PBX1: variants seen among roughly 807,000 people sequenced by gnomAD.
PBX1 encodes pre-B-cell leukemia transcription factor 1.
Under a neutral mutation model 53.4 loss-of-function variants are expected in PBX1, and 6 were observed. The ratio of observed to expected loss-of-function variants is 0.11; its 90% CI spans 0.06 to 0.22. The LOEUF (loss-of-function observed/expected upper bound fraction) is 0.22, where lower values mean the gene tolerates loss of function less well. PBX1 is among the 10% of genes least tolerant of loss of function. PBX1 has a pLI of 1.00. For missense variants in PBX1, 251 were observed against 551.4 expected, an observed-to-expected ratio of 0.46 and a Z score of 5.46; for synonymous variants, 204 against 212.3, an observed-to-expected ratio of 0.96 and a Z score of 0.34.
intron 3 of PBX1, among the ~76,000 whole-genome samples, chr1:164,793,872 C>T (rs796331696): frequency 9.7e-3 from 756 of 77,640 alleles, no homozygotes; most frequent in Middle Eastern, 0.044. Context: ...TTTTTCCTTT[C>T]TTTTTTTTTT....
At chr1:164,776,286 T>C (rs1232436574) in intron 2 of PBX1, among the ~76,000 whole-genome samples, 2 of 152,096 alleles carry the variant, frequency 1.3e-5, no homozygotes, top group Admixed American at 1.3e-4. Context: ...AGAATCCGCA[T>C]CCCCAGAAAC....
In PBX1 at chr1:164,849,146, A is replaced by G. The variant is rs1671707045; in HGVS notation, c.*2470A>G. 2 of 1,389,472 alleles carry G rather than the reference A, an allele frequency of 1.4e-6. No individual in the cohort carries two copies. Among genetic ancestry groups the G allele is most frequent in the Admixed American group, 3.0e-5 (1 of 33,094 alleles). The allele number at this position is 1,389,472 out of a possible 1,614,324, so 86.1% of individuals were successfully genotyped here. The stretch of plus-strand genomic sequence containing the variant: ...TAGGGCAAAGTACGAAAGAGAGACA[A>G]AAGGGTTCTCTTGGAAACAAGAAGA... On this transcript the variant is annotated 3_prime_UTR_variant, in exon 9 of 9. Transcript: ENST00000420696.
intron 2 of PBX1, among the ~76,000 whole-genome samples, chr1:164,567,964 TGTACA>T (rs1228238474): frequency 6.6e-6 from 1 of 152,164 alleles, no homozygotes; most frequent in East Asian, 1.9e-4. Flanking sequence ...GGGTGGGTTC[TGTACA>T]GTAGGCTGCA....
intron 2 of PBX1, among the ~76,000 whole-genome samples, chr1:164,773,245 A>G (rs551551725): frequency 9.4e-4 from 136 of 144,022 alleles, no homozygotes; most frequent in Admixed American, 1.6e-3. Flanking sequence ...TAACACGCGC[A>G]CACACACACA....
At position 164,594,768 on chromosome 1, in the gene PBX1, C is replaced by T. The variant is rs1001697599; in HGVS notation, c.265+31457C>T. ...TATAATCTCTTTTGTCCTAAGTCTT[C>T]ACTATTTTGCATGTATTTTACCAAT... is the stretch of plus-strand genomic sequence containing the variant. On this transcript the variant is annotated intron_variant, in intron 2 of 8. Transcript: ENST00000420696. Among the ~76,000 whole-genome samples the T allele has an allele frequency of 3.9e-5, 6 of 152,256 alleles. No individual in the cohort carries two copies. The South Asian group carries it at 1.2e-3, about 32-fold the overall frequency.
chr1:164,803,508 G>A (rs1259433682), intron 4 of PBX1, among the ~76,000 whole-genome samples: 3 of 152,216 alleles, frequency 2.0e-5, no homozygotes, highest in Admixed American at 6.5e-5. Flanking sequence ...TGAGGAATTT[G>A]CTGTTTAGTT....
In PBX1 at chr1:164,803,122, G is replaced by C. The variant is rs570678137; in HGVS notation, c.701+3233G>C. 2.0e-5 allele frequency among the ~76,000 whole-genome samples: 3 copies of C among 152,294 alleles called. No individual in the cohort carries two copies. In the East Asian group the frequency reaches 5.8e-4, roughly 29 times the overall value. ...TCTGGTCACACTGGCACTCTACTTA[G>C]ATTTACTGGCTTATCTAACTGAGCT... is the stretch of plus-strand genomic sequence containing the variant. On this transcript the variant is annotated intron_variant, in intron 4 of 8. Transcript: ENST00000420696.
At chr1:164,561,493 G>C (rs1653040956) in intron 1 of PBX1, among the ~76,000 whole-genome samples, 1 of 152,162 alleles carries the variant, frequency 6.6e-6, no homozygotes, top group Admixed American at 6.5e-5. Context: ...CTGAAGAAAA[G>C]CTAATAGGTA....
chr1:164,786,397 G>A (rs905809032), intron 2 of PBX1, among the ~76,000 whole-genome samples: 7 of 152,114 alleles, frequency 4.6e-5, no homozygotes, highest in South Asian at 2.1e-4. Flanking sequence ...GATCATTTTC[G>A]GCTCTTCTCG....
chr1:164,846,952 T>C lies in PBX1; in HGVS notation c.*276T>C. On this transcript the variant is annotated 3_prime_UTR_variant, in exon 9 of 9. Coordinates refer to ENST00000420696, the MANE Select transcript of PBX1 (RefSeq NM_002585.4). ...GTCATCTTCCCTGCCCCTGTGCCTC[T>C]GTCCTAGACTCCCGGGGTCCCCGCC... The C allele has an allele frequency of 7.7e-7, 1 of 1,293,036 alleles. No homozygotes were observed. The highest frequency in any genetic ancestry group is 9.8e-7 in the Non-Finnish European group (1 of 1,015,478). 80.1% of individuals were successfully genotyped at this position (1,293,036 alleles called of 1,614,324 possible).
rs946687649 is a variant in PBX1, at chr1:164,723,489, A to G, written c.266-69005A>G. ...CGAGCAGGGGTGGCGGGCATATGAA[A>G]GGGGTTGCAGGGAGAGATAGATAGA... On this transcript the variant is annotated intron_variant, in intron 2 of 8. Transcript: ENST00000420696. Among the ~76,000 whole-genome samples the G allele has an allele frequency of 4.6e-5, 7 of 152,312 alleles. No homozygotes were observed. In the South Asian group the frequency reaches 1.2e-3, roughly 27 times the overall value.
At chr1:164,712,608 C>T (rs1284184954) in intron 2 of PBX1, among the ~76,000 whole-genome samples, 3 of 152,150 alleles carry the variant, frequency 2.0e-5, no homozygotes, top group Non-Finnish European at 4.4e-5. Context: ...TGTGTGCCCC[C>T]TTGGGGGTCA....
intron 2 of PBX1, among the ~76,000 whole-genome samples, chr1:164,762,786 T>C (rs1443711534): frequency 2.0e-5 from 3 of 152,224 alleles, no homozygotes; most frequent in Non-Finnish European, 4.4e-5. Flanking sequence ...TGTGGTCACT[T>C]TCTTACAATT....
intron 2 of PBX1, among the ~76,000 whole-genome samples, chr1:164,665,772 C>G (rs1485506425): frequency 1.3e-5 from 2 of 152,180 alleles, no homozygotes; most frequent in Non-Finnish European, 2.9e-5. Context: ...CGCTTCCACC[C>G]CTAAACAACT....
intron 2 of PBX1, chr1:164,577,125 TTAAA>T (rs1257688171): frequency 2.0e-5 from 3 of 152,222 alleles, no homozygotes; most frequent in African/African-American, 7.2e-5. Flanking sequence ...ATGAAATGAA[TTAAA>T]TAATATAATC....
intron 2 of PBX1, chr1:164,652,262 T>C (rs1659872842): frequency 6.6e-6 from 1 of 152,128 alleles, no homozygotes; most frequent in Non-Finnish European, 1.5e-5. Flanking sequence ...TTCACCATGT[T>C]GGCCAGGACG....
At chr1:164,648,469 AG>A (rs2101915632) in intron 2 of PBX1, among the ~76,000 whole-genome samples, 1 of 152,320 alleles carries the variant, frequency 6.6e-6, no homozygotes, top group East Asian at 1.9e-4. Context: ...CTACCGTTGT[AG>A]GGAAATCACA....
Position 164,831,188 on chromosome 1 carries a change from C to T in PBX1, c.1200+9562C>T, listed in dbSNP as rs149814367. ...TCACCCTTTTATCCTTCTGTGCATC[C>T]ATCAATCCATCTTGATTTCTTTTCA... is the stretch of plus-strand genomic sequence containing the variant. On this transcript the variant is annotated intron_variant, in intron 8 of 8. Transcript: ENST00000420696. 7.4e-3 allele frequency among the ~76,000 whole-genome samples: 1,133 copies of T among 152,228 alleles called. 10 individuals carry two copies. The highest frequency in any genetic ancestry group is 0.029 in the Admixed American group (441 of 15,276).
At chr1:164,810,965 A>C (rs2102343339) in intron 5 of PBX1, among the ~76,000 whole-genome samples, 1 of 152,272 alleles carries the variant, frequency 6.6e-6, no homozygotes, top group South Asian at 2.1e-4. Flanking sequence ...TGCGTTTAAA[A>C]AATTAAGTAT....
Sources: allele counts gnomAD v4.1 joint callset (sites outside exome capture counted in the v4.1 genomes callset), GRCh38; gene constraint gnomAD v4.1.1; transcripts MANE v1.5; gene names NCBI Gene and HGNC (gene_info 2026-07-23, HGNC 2026-07-21).